Variants in DLEU7 observed in about 807,000 individuals in gnomAD.
The protein encoded by DLEU7 is leukemia-associated protein 7.
Under a neutral mutation model 16.0 loss-of-function variants are expected in DLEU7, and 17 were observed. The observed-to-expected ratio is 1.06, with a 90% CI of 0.73 to 1.59. DLEU7 has a LOEUF of 1.59. Among genes scored for constraint, DLEU7 ranks in the 40% most tolerant of loss-of-function variants. The pLI is 0.00. For synonymous variants in DLEU7, 113 were observed against 139.8 expected (o/e 0.81, Z 1.35); for missense variants, 308 against 314.9 (o/e 0.98, Z 0.17).
chr13:50,747,642 G>A (rs759840886), intron 1 of DLEU7, among the ~76,000 whole-genome samples: 12 of 151,970 alleles, frequency 7.9e-5, no homozygotes, highest in Non-Finnish European at 1.5e-4. Flanking sequence ...TGCCCCTCTA[G>A]TGTCCTCGTC....
chr13:50,833,331 A>G (rs1430430301), intron 1 of DLEU7, among the ~76,000 whole-genome samples: 2 of 152,252 alleles, frequency 1.3e-5, no homozygotes, highest in African/African-American at 4.8e-5. Context: ...CCTTAAGCTG[A>G]TAAGCAACTT....
intron 1 of DLEU7, among the ~76,000 whole-genome samples, chr13:50,732,574 T>C (rs1400301394): frequency 8.5e-6 from 1 of 117,210 alleles, no homozygotes; most frequent in Non-Finnish European, 1.6e-5. Context: ...GCCACTGCAC[T>C]CCAGCCCAGG....
chr13:50,832,121 T>C (rs908349176), intron 1 of DLEU7, among the ~76,000 whole-genome samples: 1 of 152,184 alleles, frequency 6.6e-6, no homozygotes, highest in Non-Finnish European at 1.5e-5. Context: ...TCCTGGGCTT[T>C]TTTTAGTTGG....
chr13:50,808,885 AACTT>A (rs1876477876), intron 1 of DLEU7, among the ~76,000 whole-genome samples: 1 of 152,136 alleles, frequency 6.6e-6, no homozygotes, highest in Non-Finnish European at 1.5e-5. Context: ...GAAAAAAAAA[AACTT>A]AGAAAGGTCA....
chr13:50,773,527 C>T, intron 1 of DLEU7, among the ~76,000 whole-genome samples: 1 of 152,182 alleles, frequency 6.6e-6, no homozygotes, highest in South Asian at 2.1e-4. Flanking sequence ...GAGTCACGTC[C>T]CTCAACTGCA....
At chr13:50,734,553 T>C (rs1398090515) in intron 1 of DLEU7, among the ~76,000 whole-genome samples, 1 of 152,038 alleles carries the variant, frequency 6.6e-6, no homozygotes, top group East Asian at 1.9e-4. Flanking sequence ...CACACTCAAA[T>C]TGTGATCATT....
At chr13:50,812,069 C>A (rs375704612) in intron 1 of DLEU7, among the ~76,000 whole-genome samples, 1,748 of 104,352 alleles carry the variant, frequency 0.017, no homozygotes, top group Admixed American at 0.019. Flanking sequence ...GATTCCATCT[C>A]AAAAAAAAAA....
downstream of DLEU7, among the ~76,000 whole-genome samples, chr13:50,820,327 AT>A (rs1239598927): frequency 6.6e-6 from 1 of 151,588 alleles, no homozygotes; most frequent in Admixed American, 6.6e-5. Context: ...AGCCAGAGGA[AT>A]TTTTTTTTGA....
chr13:50,826,229 T>G (rs561239634), intron 1 of DLEU7, among the ~76,000 whole-genome samples: 1 of 152,178 alleles, frequency 6.6e-6, no homozygotes, highest in Non-Finnish European at 1.5e-5. Context: ...ACTGCTTATC[T>G]CCTACTGTGC....
At chr13:50,774,731 C>G (rs1489883956) in intron 1 of DLEU7, among the ~76,000 whole-genome samples, 1 of 151,384 alleles carries the variant, frequency 6.6e-6, no homozygotes, top group African/African-American at 2.4e-5. Flanking sequence ...TGTGTCAGAC[C>G]TTTTGAGACA....
intron 1 of DLEU7, among the ~76,000 whole-genome samples, chr13:50,826,459 G>A (rs968541626): frequency 1.3e-5 from 2 of 152,060 alleles, no homozygotes; most frequent in African/African-American, 4.8e-5. Flanking sequence ...TATATATAAA[G>A]TGAGGATGAG....
At chr13:50,818,544 C>G (rs1309408883), downstream of DLEU7, 1 of 152,166 alleles carries the variant, frequency 6.6e-6, no homozygotes. Flanking sequence ...ACTGAGAATA[C>G]AGCTGTGAAC....
intron 1 of DLEU7, among the ~76,000 whole-genome samples, chr13:50,738,711 T>A (rs765701581): frequency 2.0e-5 from 3 of 152,140 alleles, no homozygotes; most frequent in Admixed American, 6.6e-5. Flanking sequence ...GACAGATCCA[T>A]ACTTATATAT....
intron 1 of DLEU7, among the ~76,000 whole-genome samples, chr13:50,811,856 G>T (rs1175633196): frequency 6.6e-6 from 1 of 151,986 alleles, no homozygotes; most frequent in Non-Finnish European, 1.5e-5. Flanking sequence ...ATCACTTGAG[G>T]TCAGGAGTTA....
At chr13:50,766,457 TTTCCTTGTC>T (rs533758333) in intron 1 of DLEU7, among the ~76,000 whole-genome samples, 19 of 145,580 alleles carry the variant, frequency 1.3e-4, no homozygotes, top group East Asian at 8.4e-4. Context: ...AAATGGTCTC[TTTCCTTGTC>T]TTCCTTCTCT....
intron 1 of DLEU7, among the ~76,000 whole-genome samples, chr13:50,764,443 C>A (rs1213794729): frequency 6.6e-6 from 1 of 152,184 alleles, no homozygotes; most frequent in East Asian, 1.9e-4. Context: ...TAACAACGAA[C>A]AAAACCTCTG....
At position 50,823,139 on chromosome 13, in the gene DLEU7, A is replaced by G; in HGVS notation, c.*175T>C. On this transcript the variant is annotated 3_prime_UTR_variant, in exon 2 of 2. Coordinates refer to ENST00000504404, the MANE Select transcript of DLEU7 (RefSeq NM_001306135.2). ...CTACTGCTTTAAAAAAATTTCATTA[A>G]CATGCTATAATCCCGAAGGCTACAG... is the stretch of plus-strand genomic sequence containing the variant. The G allele has an allele frequency of 2.1e-6, 3 of 1,399,106 alleles. No homozygotes were observed. The South Asian group carries it at 5.1e-5, about 24-fold the overall frequency. The allele number at this position is 1,399,106 out of a possible 1,614,324, so 86.7% of individuals were successfully genotyped here. A position where few individuals can be genotyped will look rare whatever the true frequency, so the allele number is the denominator to read the frequency against.
At chr13:50,796,712 A>G (rs1462559795) in intron 1 of DLEU7, among the ~76,000 whole-genome samples, 1 of 152,100 alleles carries the variant, frequency 6.6e-6, no homozygotes, top group Non-Finnish European at 1.5e-5. Context: ...GAGGTGTGCT[A>G]CTTCCAGGCC....
At chr13:50,757,790 A>G (rs1874807260) in intron 1 of DLEU7, among the ~76,000 whole-genome samples, 1 of 152,208 alleles carries the variant, frequency 6.6e-6, no homozygotes, top group Non-Finnish European at 1.5e-5. Flanking sequence ...CAAATAAGCA[A>G]TGTGATGTTA....
Sources: allele counts gnomAD v4.1 joint callset (sites outside exome capture counted in the v4.1 genomes callset), GRCh38; gene constraint gnomAD v4.1.1; transcripts MANE v1.5; gene names NCBI Gene and HGNC (gene_info 2026-07-23, HGNC 2026-07-21).